CDH11: variants seen among roughly 807,000 people sequenced by gnomAD.
CDH11 encodes cadherin-11.
In CDH11, 11 loss-of-function variants were observed where a neutral mutation model predicts 67.8. The observed-to-expected ratio is 0.16, with a 90% CI of 0.10 to 0.27. The LOEUF is 0.27. Ranked by LOEUF, CDH11 falls within the 10% of genes least tolerant of loss-of-function variation. The probability of loss-of-function intolerance (pLI) is 1.00; values close to 1 mark genes in which losing one functional copy is unlikely to be tolerated. For synonymous variants in CDH11, 419 were observed against 400.0 expected (o/e 1.05, Z -0.57); for missense variants, 847 against 1,031.2 (o/e 0.82, Z 2.45).
chr16:65,046,973 G>T (rs2073971973), intron 2 of CDH11, among the ~76,000 whole-genome samples: 1 of 152,144 alleles, frequency 6.6e-6, no homozygotes, highest in Non-Finnish European at 1.5e-5. Flanking sequence ...GCCAGCCGTG[G>T]TGGCATATGC....
intron 2 of CDH11, among the ~76,000 whole-genome samples, chr16:65,050,968 A>C (rs1407930975): frequency 6.6e-6 from 1 of 152,196 alleles, no homozygotes; most frequent in Non-Finnish European, 1.5e-5. Flanking sequence ...CGATGAAATG[A>C]AGAGCCCCAT....
chr16:65,005,031 C>T lies in CDH11; in HGVS notation c.-162G>A. On this transcript the variant is annotated 5_prime_UTR_variant, in exon 3 of 13. The change creates a premature stop within an existing upstream ORF in the 5' untranslated region. Coordinates refer to ENST00000268603, the MANE Select transcript of CDH11 (RefSeq NM_001797.4). ...CATCACGTCAGGGCTGCCCACGTCC[C>T]CAGTTAGCTTCTGCAAGCAGAGAGA... is the stretch of plus-strand genomic sequence containing the variant. 3 of 1,345,498 alleles carry T rather than the reference C, an allele frequency of 2.2e-6. No homozygotes were observed. Among genetic ancestry groups the T allele is most frequent in the Admixed American group, 3.7e-5 (1 of 27,024 alleles). The allele number at this position is 1,345,498 out of a possible 1,614,324, so 83.3% of individuals were successfully genotyped here.
chr16:65,065,778 G>A (rs1375421096), intron 1 of CDH11, among the ~76,000 whole-genome samples: 1 of 152,188 alleles, frequency 6.6e-6, no homozygotes, highest in East Asian at 1.9e-4. Flanking sequence ...AGCTGCTACA[G>A]GCACACCCTA....
intron 1 of CDH11, among the ~76,000 whole-genome samples, chr16:65,080,429 G>C (rs1364589573): frequency 6.6e-6 from 1 of 152,160 alleles, no homozygotes; most frequent in Non-Finnish European, 1.5e-5. Context: ...TTCCAGAAGA[G>C]ATGTTTTAAT....
In CDH11 at chr16:65,018,420, T is replaced by A. The variant is rs559996124; in HGVS notation, c.-172-13379A>T. Among the ~76,000 whole-genome samples, 160 of 151,990 alleles carry A rather than the reference T, an allele frequency of 1.1e-3. 1 individual carries two copies. The highest frequency in any genetic ancestry group is 3.4e-3 in the Middle Eastern group (1 of 294). ...ATTTTGTCTGGTTACAAAAAAATTT[T>A]AAAAAAAACAGACTCTCACTGCACT... On this transcript the variant is annotated intron_variant, in intron 2 of 12. Transcript: ENST00000268603.
At chr16:65,009,096 G>T (rs1482685756) in intron 2 of CDH11, among the ~76,000 whole-genome samples, 1 of 152,072 alleles carries the variant, frequency 6.6e-6, no homozygotes, top group Non-Finnish European at 1.5e-5. Flanking sequence ...TTGGTTTGAG[G>T]ACTTGTATTC....
intron 1 of CDH11, among the ~76,000 whole-genome samples, chr16:65,056,656 G>A (rs56181742): frequency 0.018 from 2,722 of 152,246 alleles, 40 homozygotes; most frequent in Middle Eastern, 0.034. Context: ...TAAGACTCTT[G>A]CTGAAAGTGT....
At chr16:64,957,739 A>G (rs2071557944) in intron 11 of CDH11, among the ~76,000 whole-genome samples, 1 of 152,100 alleles carries the variant, frequency 6.6e-6, no homozygotes, top group South Asian at 2.1e-4. Context: ...ATAAGCTTCA[A>G]TAATTTCAGA....
rs1322369832 is a variant in CDH11 at position 65,121,479 on chromosome 16, G to A, written c.-298+401C>T. ...AAGCGGCGCAGGGCTGGCGGGCACC[G>A]CGCCGTGGGCGACTTTCCCCAGAGA... On this transcript the variant is annotated intron_variant, in intron 1 of 12. Coordinates refer to ENST00000268603, the MANE Select transcript of CDH11 (RefSeq NM_001797.4). The surrounding 1 kb of genome is among the most constrained non-coding windows in gnomAD (Gnocchi z 4.1). Among the ~76,000 whole-genome samples, 1 of 152,118 alleles carries A rather than the reference G, an allele frequency of 6.6e-6. No individual in the cohort carries two copies. The highest frequency in any genetic ancestry group is 2.4e-5 in the African/African-American group (1 of 41,450).
chr16:65,000,054 T>C (rs1329311650), intron 3 of CDH11, among the ~76,000 whole-genome samples: 8 of 152,210 alleles, frequency 5.3e-5, no homozygotes, highest in African/African-American at 1.9e-4. Context: ...TGGGTTGATA[T>C]GTATACAATT....
intron 2 of CDH11, among the ~76,000 whole-genome samples, chr16:65,022,347 A>T (rs574685265): frequency 1.6e-4 from 24 of 152,308 alleles, no homozygotes; most frequent in African/African-American, 5.5e-4. Flanking sequence ...CTATTTTATA[A>T]AAGATAGGTG....
intron 4 of CDH11, among the ~76,000 whole-genome samples, chr16:64,998,097 G>C (rs922769863): frequency 6.6e-6 from 1 of 152,162 alleles, no homozygotes. Flanking sequence ...TCTGAACATA[G>C]TGACATAGTG....
intron 4 of CDH11, among the ~76,000 whole-genome samples, chr16:64,994,046 C>A (rs2072703265): frequency 6.6e-6 from 1 of 152,170 alleles, no homozygotes; most frequent in South Asian, 2.1e-4. Context: ...CAAGTTATTT[C>A]TGTAACATTT....
chr16:65,118,289 T>C (rs2075277010), intron 1 of CDH11, among the ~76,000 whole-genome samples: 1 of 152,208 alleles, frequency 6.6e-6, no homozygotes, highest in Non-Finnish European at 1.5e-5. Flanking sequence ...GTGTTTTCTT[T>C]AGTCCTTCCT....
chr16:65,120,061 T>C (rs909818556), intron 1 of CDH11, among the ~76,000 whole-genome samples: 1 of 152,196 alleles, frequency 6.6e-6, no homozygotes, highest in Non-Finnish European at 1.5e-5. Flanking sequence ...CCCTTTGTTT[T>C]GTAACTTTTT....
At chr16:65,100,299 T>A (rs769128208) in intron 1 of CDH11, among the ~76,000 whole-genome samples, 105 of 152,040 alleles carry the variant, frequency 6.9e-4, no homozygotes, top group Admixed American at 2.4e-3. Context: ...ATTTCATGGA[T>A]CATCTGAGGC....
intron 11 of CDH11, among the ~76,000 whole-genome samples, chr16:64,963,353 G>A (rs974097940): frequency 6.6e-6 from 1 of 152,106 alleles, no homozygotes; most frequent in African/African-American, 2.4e-5. Flanking sequence ...CACAGCTGAG[G>A]AAAGAATCTC....
chr16:64,946,595 T>C lies in CDH11; in HGVS notation c.*1008A>G. On this transcript the variant is annotated 3_prime_UTR_variant, in exon 13 of 13. Coordinates refer to ENST00000268603, the MANE Select transcript of CDH11 (RefSeq NM_001797.4). ...ATGTACAAAAAAGCTTTACATGATG[T>C]TACAGAATCTTGTCTGAAAAAACAT... 1.9e-6 allele frequency: 2 copies of C among 1,032,958 alleles called. No individual in the cohort carries two copies. Among genetic ancestry groups the C allele is most frequent in the Non-Finnish European group, 2.3e-6 (2 of 858,612 alleles). 64.0% of individuals were successfully genotyped at this position (1,032,958 alleles called of 1,614,324 possible). A position where few individuals can be genotyped will look rare whatever the true frequency, so the allele number is the denominator to read the frequency against.
At position 64,950,997 on chromosome 16, in the gene CDH11, G is replaced by T. The variant is rs747064758; in HGVS notation, c.1664C>A (p.Ala555Asp). ...DNRDNTAGVY[A>D]RRGGFSRQKQ... ...CTGCCGACTGAACCCTCCACGCCGG[G>T]CGTACACGCCTGCTGTGTTATCTGC... The change falls in exon 12 of 13, where the codon GCC becomes GAC. Residue 555 changes from alanine to aspartate, a missense_variant. Coordinates refer to ENST00000268603, the MANE Select transcript of CDH11 (RefSeq NM_001797.4). 1.9e-6 allele frequency: 3 copies of T among 1,613,938 alleles called. No homozygotes were observed. Among genetic ancestry groups the T allele is most frequent in the Admixed American group, 3.3e-5 (2 of 60,024 alleles).
Sources: allele counts gnomAD v4.1 joint callset (sites outside exome capture counted in the v4.1 genomes callset), GRCh38; gene constraint gnomAD v4.1.1; non-coding constraint Gnocchi (gnomAD v3.1); transcripts MANE v1.5; gene names NCBI Gene and HGNC (gene_info 2026-07-23, HGNC 2026-07-21).